Variants in CEACAM4 observed in about 807,000 individuals in gnomAD.
CEACAM4 encodes CEA cell adhesion molecule 4.
Under a neutral mutation model 28.7 loss-of-function variants are expected in CEACAM4, and 30 were observed. The observed-to-expected ratio is 1.05, with a 90% CI of 0.78 to 1.42. The LOEUF is 1.42. CEACAM4 is among the 40% of genes most tolerant of loss of function. The pLI is 0.00. For synonymous variants in CEACAM4, 143 were observed against 126.5 expected (o/e 1.13, Z -0.87); for missense variants, 330 against 308.2 (o/e 1.07, Z -0.53).
chr19:41,614,534 T>C (rs2070965317), downstream of CEACAM4, among the ~76,000 whole-genome samples: 1 of 152,222 alleles, frequency 6.6e-6, no homozygotes, highest in Admixed American at 6.5e-5. Context: ...ACTGCATGTG[T>C]TCCTGTGTCC....
chr19:41,623,093 C>G (rs765909877), intron 2 of CEACAM4, among the ~76,000 whole-genome samples: 2 of 152,086 alleles, frequency 1.3e-5, no homozygotes, highest in Non-Finnish European at 2.9e-5. Context: ...CTAGGCTCAC[C>G]GCAACCTCCG....
In CEACAM4 at chr19:41,619,732, A is replaced by T. The variant is rs782314028; in HGVS notation, c.628-21T>A. On this transcript the variant is annotated intron_variant, in intron 5 of 6. Transcript: ENST00000221954. ...GGGGCCTGGGCAGGGGAGAGAGGAGATGTCAGGGGACAGGGAGGGAGGGTC... is the reference window on the plus strand; with the variant it reads ...GGGGCCTGGGCAGGGGAGAGAGGAGTTGTCAGGGGACAGGGAGGGAGGGTC... 8 of 1,544,694 alleles carry T rather than the reference A, an allele frequency of 5.2e-6. No homozygotes were observed. In the African/African-American group the frequency reaches 1.1e-4, roughly 21 times the overall value.
chr19:41,616,579 T>C (rs2070987903), downstream of CEACAM4, among the ~76,000 whole-genome samples: 1 of 152,024 alleles, frequency 6.6e-6, no homozygotes, highest in African/African-American at 2.4e-5. Flanking sequence ...CACTTGTCCC[T>C]GAGGAGGATT....
intron 1 of CEACAM4, 26 bp from the exon 2 acceptor site, chr19:41,625,986 A>G (rs1555803966): frequency 1.3e-6 from 2 of 1,586,112 alleles, no homozygotes; most frequent in East Asian, 2.2e-5. Flanking sequence ...AGCATCAGTC[A>G]ATACTGGGAC....
At chr19:41,623,200 T>C (rs542292429) in intron 2 of CEACAM4, among the ~76,000 whole-genome samples, 34 of 152,270 alleles carry the variant, frequency 2.2e-4, no homozygotes, top group Non-Finnish European at 4.3e-4. Context: ...GTATTTTTAG[T>C]AGAGACGGGG....
chr19:41,616,487 TGATAGATA>T (rs35437530), downstream of CEACAM4, among the ~76,000 whole-genome samples: 45,703 of 146,238 alleles, frequency 0.31, 7,165 homozygotes, highest in Middle Eastern at 0.32. Flanking sequence ...TATAGATAGA[TGATAGATA>T]GATAGATAGA....
intron 5 of CEACAM4, 102 bp from the exon 6 acceptor site, chr19:41,619,813 G>T: frequency 2.1e-6 from 2 of 963,866 alleles, no homozygotes; most frequent in Non-Finnish European, 1.5e-6. Context: ...TTACTTCCCT[G>T]CCTCCACTTC....
downstream of CEACAM4, among the ~76,000 whole-genome samples, chr19:41,618,331 G>T (rs1568641957): frequency 6.6e-6 from 1 of 152,158 alleles, no homozygotes; most frequent in South Asian, 2.1e-4. Flanking sequence ...CATGCCAGGG[G>T]GTAAAGTGGG....
rs782765742 is a variant in CEACAM4 at position 41,619,232 on chromosome 19, G to A, written c.*98C>T. Reference sequence around the variant, plus strand: ...GGCCTGTGTCTCCTCAGGACTCAGAGCTGGTTCTCTGGCTCAGGCTCCATG... The same window carrying A: ...GGCCTGTGTCTCCTCAGGACTCAGAACTGGTTCTCTGGCTCAGGCTCCATG... On this transcript the variant is annotated 3_prime_UTR_variant, in exon 7 of 7. Coordinates refer to ENST00000221954, the MANE Select transcript of CEACAM4 (RefSeq NM_001817.4). The A allele has an allele frequency of 2.0e-6, 2 of 979,098 alleles. No individual in the cohort carries two copies. The highest frequency in any genetic ancestry group is 3.2e-5 in the African/African-American group (2 of 61,778). The allele number at this position is 979,098 out of a possible 1,614,324, so 60.7% of individuals were successfully genotyped here.
intron 2 of CEACAM4, among the ~76,000 whole-genome samples, chr19:41,624,584 T>C (rs2071517070): frequency 6.6e-6 from 1 of 152,136 alleles, no homozygotes; most frequent in African/African-American, 2.4e-5. Context: ...GAAGAAAACA[T>C]CCGAACCAGT....
At position 41,625,965 on chromosome 19, in the gene CEACAM4, G is replaced by A. The variant is rs1303097172; in HGVS notation, c.65-5C>T. Reference sequence around the variant, plus strand: ...GCCAGAAGGTTAAAAGTGAGGCTAGGAGGTGAAGACAGCATCAGTCAATAC... The same window carrying A: ...GCCAGAAGGTTAAAAGTGAGGCTAGAAGGTGAAGACAGCATCAGTCAATAC... On this transcript the variant is annotated splice_region_variant and splice_polypyrimidine_tract_variant and intron_variant, in intron 1 of 6. Coordinates refer to ENST00000221954, the MANE Select transcript of CEACAM4 (RefSeq NM_001817.4). 3.1e-6 allele frequency: 5 copies of A among 1,603,834 alleles called. No homozygotes were observed. Among genetic ancestry groups the A allele is most frequent in the Non-Finnish European group, 4.3e-6 (5 of 1,174,444 alleles).
intron 2 of CEACAM4, among the ~76,000 whole-genome samples, chr19:41,622,714 TA>T (rs1555802067): frequency 2.6e-5 from 4 of 152,204 alleles, no homozygotes; most frequent in Non-Finnish European, 5.9e-5. Flanking sequence ...ATAAGAATAC[TA>T]GTTGATAGCA....
chr19:41,621,898 G>A (rs1257942047), intron 2 of CEACAM4, 130 bp from the exon 3 acceptor site: 9 of 649,714 alleles, frequency 1.4e-5, no homozygotes, highest in East Asian at 5.1e-5. Flanking sequence ...GGTCTGTTGG[G>A]CTGTCCTCAT....
intron 4 of CEACAM4, 73 bp downstream of exon 4, chr19:41,620,502 G>A: frequency 1.5e-6 from 2 of 1,326,790 alleles, no homozygotes; most frequent in Non-Finnish European, 2.1e-6. Context: ...AGGCCCCCAG[G>A]GGGTGACTGG....
the CEACAM4 span, among the ~76,000 whole-genome samples, chr19:41,613,572 A>G: frequency 1.3e-5 from 2 of 152,078 alleles, 1 homozygote; most frequent in South Asian, 4.1e-4. Context: ...TGGGGAGGAC[A>G]GAGGGGGAAC....
rs572525906 is a variant in CEACAM4 at position 41,625,144 on chromosome 19, G to A, written c.424+457C>T. On this transcript the variant is annotated intron_variant, in intron 2 of 6. Coordinates refer to ENST00000221954, the MANE Select transcript of CEACAM4 (RefSeq NM_001817.4). Reference sequence around the variant, plus strand: ...TGAGAAGCTTCAGGAACCACAGCCCGCAGACATCTGGTAAATCCTTGCTCC... The same window carrying A: ...TGAGAAGCTTCAGGAACCACAGCCCACAGACATCTGGTAAATCCTTGCTCC... Among the ~76,000 whole-genome samples, 14 of 152,302 alleles carry A rather than the reference G, an allele frequency of 9.2e-5. No homozygotes were observed. In the East Asian group the frequency reaches 2.1e-3, roughly 23 times the overall value.
At chr19:41,623,352 AACATCCCTGCC>A (rs782740215) in intron 2 of CEACAM4, among the ~76,000 whole-genome samples, 3 of 151,152 alleles carry the variant, frequency 2.0e-5, no homozygotes, top group South Asian at 4.2e-4. Context: ...TGATAATTTC[AACATCCCTGCC>A]ACATCCCTGC....
At chr19:41,623,737 G>A (rs553814976) in intron 2 of CEACAM4, among the ~76,000 whole-genome samples, 3 of 152,016 alleles carry the variant, frequency 2.0e-5, no homozygotes, top group Non-Finnish European at 4.4e-5. Context: ...GTAAAATAAC[G>A]ATTTATTCCT....
At chr19:41,620,273 G>A in intron 4 of CEACAM4, 31 bp from the exon 5 acceptor site, 1 of 1,446,714 alleles carries the variant, frequency 6.9e-7, no homozygotes, top group Non-Finnish European at 9.1e-7. Flanking sequence ...GAGCAGCAGG[G>A]TGGGAGGAGA....
Sources: gnomAD v4.1 joint callset for allele counts (sites outside exome capture counted in the v4.1 genomes callset) on GRCh38, gnomAD v4.1.1 for gene constraint, MANE v1.5 for transcripts, NCBI Gene and HGNC (gene_info 2026-07-23, HGNC 2026-07-21) for gene names.